The following GSG1 variants were observed in gnomAD, a reference collection of about 807,000 sequenced individuals.
The protein encoded by GSG1 is germ cell-specific gene 1 protein.
In GSG1, 28 loss-of-function variants were observed where a neutral mutation model predicts 30.8. The ratio of observed to expected loss-of-function variants is 0.91; its 90% CI spans 0.67 to 1.25. The LOEUF (loss-of-function observed/expected upper bound fraction) is 1.25, where lower values mean the gene tolerates loss of function less well. GSG1 is among the 50% of genes most tolerant of loss of function. GSG1 has a pLI of 0.00. For missense variants in GSG1, 435 were observed against 444.7 expected (o/e 0.98, Z 0.20); for synonymous variants, 162 against 178.0 (o/e 0.91, Z 0.71).
chr12:13,088,806 G>T, intron 4 of GSG1, 56 bp downstream of exon 4: 4 of 1,614,188 alleles, frequency 2.5e-6, no homozygotes, highest in Non-Finnish European at 3.4e-6. Context: ...CTCCAAATCG[G>T]AGAGTGGGGT....
chr12:13,084,834 G>A lies in GSG1; in HGVS notation c.*67C>T. On this transcript the variant is annotated 3_prime_UTR_variant, in exon 7 of 7. Coordinates refer to ENST00000651961, the MANE Select transcript of GSG1 (RefSeq NM_001080555.4). ...GCTCAAGAGACGGATGTTGGCTTAA[G>A]CACATGTTGATAATCAGCAGACGTG... The A allele has an allele frequency of 5.7e-6, 6 of 1,047,312 alleles. No homozygotes were observed. Among genetic ancestry groups the A allele is most frequent in the Non-Finnish European group, 8.3e-6 (6 of 720,222 alleles). The allele number at this position is 1,047,312 out of a possible 1,614,324, so 64.9% of individuals were successfully genotyped here.
In GSG1 at chr12:13,103,455, C is replaced by G. The variant is rs1863363363; in HGVS notation, c.48+10G>C. Reference sequence around the variant, plus strand: ...AGATGTTCATGAGATTTCAAAATCACTGTACCTACCTCCTGGGTGAGGCAA... The same window carrying G: ...AGATGTTCATGAGATTTCAAAATCAGTGTACCTACCTCCTGGGTGAGGCAA... On this transcript the variant is annotated intron_variant, in intron 1 of 6. Coordinates refer to ENST00000651961, the MANE Select transcript of GSG1 (RefSeq NM_001080555.4). 6.2e-7 allele frequency: 1 copy of G among 1,608,146 alleles called. No individual in the cohort carries two copies. Among genetic ancestry groups the G allele is most frequent in the Admixed American group, 1.7e-5 (1 of 59,998 alleles).
chr12:13,090,345 C>T (rs753769602), intron 2 of GSG1, among the ~76,000 whole-genome samples, 158 bp downstream of exon 2: 14 of 152,234 alleles, frequency 9.2e-5, no homozygotes, highest in Non-Finnish European at 1.9e-4. Flanking sequence ...GTGGAAGGTT[C>T]TGTGCTGGGA....
intron 5 of GSG1, 62 bp from the exon 6 acceptor site, chr12:13,087,325 T>C (rs1175459652): frequency 1.3e-5 from 17 of 1,301,026 alleles, no homozygotes; most frequent in Non-Finnish European, 1.8e-5. Flanking sequence ...CTGCCAGGAG[T>C]ACGATTTTGG....
At position 13,087,945 on chromosome 12, in the gene GSG1, T is replaced by G. The variant is rs1454300263; in HGVS notation, c.596A>C (p.Lys199Thr). ...GGAAACAGCAGCAAAGGCGCTCAGT[T>G]TGAGCCCACAGGCAGGGTTCCCAGT... ...LLTGNPACGLKLSAFAAVSSV... is the reference protein window; with the variant it reads ...LLTGNPACGLTLSAFAAVSSV... Residue 199 changes from lysine (K) to threonine (T), a missense_variant, in exon 5 of 7, where the codon AAA becomes ACA. Physicochemically the swap from Lys to Thr is moderately conservative, Grantham distance 78. Transcript: ENST00000651961. 6.2e-7 allele frequency: 1 copy of G among 1,614,164 alleles called. No homozygotes were observed. Among genetic ancestry groups the G allele is most frequent in the Admixed American group, 1.7e-5 (1 of 60,032 alleles).
intron 1 of GSG1, among the ~76,000 whole-genome samples, chr12:13,095,122 T>C (rs1195552543): frequency 6.6e-6 from 1 of 152,234 alleles, no homozygotes; most frequent in Non-Finnish European, 1.5e-5. Context: ...AATGATCATC[T>C]CATTCAAGAA....
At chr12:13,095,746 A>T in intron 1 of GSG1, 1 of 1,548,364 alleles carries the variant, frequency 6.5e-7, no homozygotes, top group South Asian at 1.2e-5. Context: ...TCTATCTCAT[A>T]TTCTTTGGAG....
intron 1 of GSG1, chr12:13,095,581 G>T: frequency 6.2e-7 from 1 of 1,613,464 alleles, no homozygotes; most frequent in Non-Finnish European, 8.5e-7. Flanking sequence ...TTGAGCAATA[G>T]GAGGGGAAGC....
At chr12:13,090,354 G>A in intron 2 of GSG1, 149 bp downstream of exon 2, 1 of 662,540 alleles carries the variant, frequency 1.5e-6, no homozygotes, top group East Asian at 2.7e-5. Context: ...TCTGTGCTGG[G>A]AGAAGGGAGT....
intron 4 of GSG1, 150 bp downstream of exon 4, chr12:13,088,712 C>G: frequency 6.2e-7 from 1 of 1,602,494 alleles, no homozygotes; most frequent in Non-Finnish European, 8.5e-7. Context: ...ATGGTAACTA[C>G]TGTAAATTCC....
chr12:13,090,956 T>A (rs1866066503), intron 1 of GSG1, 138 bp from the exon 2 acceptor site: 1 of 713,110 alleles, frequency 1.4e-6, no homozygotes, highest in African/African-American at 1.8e-5. Context: ...ACAACCCGCC[T>A]CTGACATTTT....
Position 13,084,951 on chromosome 12 carries a change from G to T in GSG1, c.1039C>A (p.Gln347Lys). 6.4e-7 allele frequency: 1 copy of T among 1,551,806 alleles called. No individual in the cohort carries two copies. Among genetic ancestry groups the T allele is most frequent in the Non-Finnish European group, 8.7e-7 (1 of 1,147,000 alleles). The change falls in exon 7 of 7, where the codon CAG (glutamine) becomes AAG (lysine). Residue 347 changes from glutamine (Q) to lysine (K), a missense_variant. Transcript: ENST00000651961. ...RNKGFQRGAS[Q>K]ELKEAVRSSV... is the part of the protein sequence containing the mutation. ...GACCTAACTGCTTCTTTCAGCTCCT[G>T]GCTGGCCCCTCTTTGAAATCCCTTG...
rs562035471 is a variant in GSG1 at position 13,084,593 on chromosome 12, G to A, written c.*308C>T. On this transcript the variant is annotated 3_prime_UTR_variant, in exon 7 of 7. Coordinates refer to ENST00000651961, the MANE Select transcript of GSG1 (RefSeq NM_001080555.4). The stretch of plus-strand genomic sequence containing the variant: ...CTAGATGTATCAGATCCTTAAGGTC[G>A]GGAAGTGTATTTTACTCTTCTTTTT... 4 of 212,928 alleles carry A rather than the reference G, an allele frequency of 1.9e-5. No homozygotes were observed. The highest frequency in any genetic ancestry group is 4.5e-5 in the African/African-American group (2 of 44,330). 13.2% of individuals were successfully genotyped at this position (212,928 alleles called of 1,614,324 possible).
intron 1 of GSG1, chr12:13,095,621 C>T (rs763956316): frequency 1.9e-6 from 3 of 1,614,200 alleles, no homozygotes; most frequent in East Asian, 4.5e-5. Flanking sequence ...CAGCGTCTTG[C>T]AGCTTGTCTG....
intron 2 of GSG1, among the ~76,000 whole-genome samples, 162 bp downstream of exon 2, chr12:13,090,341 G>A (rs1356517888): frequency 6.6e-6 from 1 of 152,268 alleles, no homozygotes; most frequent in Non-Finnish European, 1.5e-5. Context: ...GGAGGTGGAA[G>A]GTTCTGTGCT....
intron 1 of GSG1, among the ~76,000 whole-genome samples, chr12:13,100,803 A>G (rs986451629): frequency 1.3e-5 from 2 of 152,156 alleles, no homozygotes; most frequent in African/African-American, 4.8e-5. Context: ...TAGGGCACTT[A>G]GCTCCGGGAT....
At chr12:13,088,160 C>A in intron 4 of GSG1, 101 bp from the exon 5 acceptor site, 1 of 1,293,336 alleles carries the variant, frequency 7.7e-7, no homozygotes. Flanking sequence ...ACCCTAGCAG[C>A]ATCTGAGAAG....
Position 13,087,247 on chromosome 12 carries a change from C to T in GSG1, c.651G>A (p.Val217=), listed in dbSNP as rs749856720. 3 of 1,613,752 alleles carry T rather than the reference C, an allele frequency of 1.9e-6. No homozygotes were observed. Among genetic ancestry groups the T allele is most frequent in the Middle Eastern group, 3.3e-4 (2 of 6,056 alleles). Reference sequence around the variant, plus strand: ...AGACTTGTGAATACATCATGTGGGCCACCATCCCCAGGAGACCTACCAAGG... The same window carrying T: ...AGACTTGTGAATACATCATGTGGGCTACCATCCCCAGGAGACCTACCAAGG... ...SSVLSGLLGM[V]AHMMYSQVFQ... is the part of the protein sequence containing the mutation. Residue 217 remains valine (V), a synonymous_variant, in exon 6 of 7, where the codon GTG becomes GTA. Transcript: ENST00000651961.
chr12:13,090,883 A>C, intron 1 of GSG1, 65 bp from the exon 2 acceptor site: 2 of 1,374,084 alleles, frequency 1.5e-6, no homozygotes, highest in Non-Finnish European at 2.0e-6. Context: ...GCCGCCTCGG[A>C]GATGTGGCCA....
Sources: gnomAD v4.1 joint callset for allele counts (sites outside exome capture counted in the v4.1 genomes callset) on GRCh38, gnomAD v4.1.1 for gene constraint, MANE v1.5 for transcripts, NCBI Gene and HGNC (gene_info 2026-07-23, HGNC 2026-07-21) for gene names.